The following PPP2R2B variants were observed in gnomAD, a reference collection of about 807,000 sequenced individuals.
The protein encoded by PPP2R2B is serine/threonine-protein phosphatase 2A 55 kDa regulatory subunit B beta isoform.
A neutral mutation model predicts 46.0 loss-of-function variants in PPP2R2B; 5 were observed. The observed-to-expected ratio is 0.11, with a 90% CI of 0.06 to 0.23. The LOEUF is 0.23. Among genes scored for constraint, PPP2R2B ranks in the 10% least tolerant of loss-of-function variants. PPP2R2B has a pLI of 1.00. For synonymous variants in PPP2R2B, 215 were observed against 206.7 expected (o/e 1.04, Z -0.34); for missense variants, 367 against 575.0 (o/e 0.64, Z 3.70).
chr5:146,784,291 C>T (rs946857286), intron 2 of PPP2R2B, among the ~76,000 whole-genome samples: 2 of 152,078 alleles, frequency 1.3e-5, no homozygotes, highest in African/African-American at 4.8e-5. Context: ...AGAGGACAGC[C>T]TCAGTCCTCT....
At chr5:146,811,727 A>ATTT (rs1163716544) in intron 2 of PPP2R2B, among the ~76,000 whole-genome samples, 1 of 121,248 alleles carries the variant, frequency 8.2e-6, no homozygotes, top group Non-Finnish European at 1.8e-5. Context: ...CGCCCGGCTA[A>ATTT]TTTTTTTTTT....
chr5:147,041,191 G>A (rs927055084), intron 1 of PPP2R2B, among the ~76,000 whole-genome samples: 9 of 152,132 alleles, frequency 5.9e-5, no homozygotes, highest in African/African-American at 2.2e-4. Context: ...ATGGTGGGCA[G>A]GATCTAAAAA....
chr5:147,043,592 A>T (rs2151898243), intron 1 of PPP2R2B, among the ~76,000 whole-genome samples: 1 of 152,232 alleles, frequency 6.6e-6, no homozygotes, highest in Non-Finnish European at 1.5e-5. Flanking sequence ...TTAGCAAACT[A>T]ATACAGGAGG....
chr5:146,976,351 G>C (rs1252425745), intron 1 of PPP2R2B, among the ~76,000 whole-genome samples: 1 of 151,908 alleles, frequency 6.6e-6, no homozygotes, highest in East Asian at 1.9e-4. Context: ...TGGCCAGGCT[G>C]GTCTCGAACT....
chr5:146,932,755 TTTC>T (rs1451564599), intron 1 of PPP2R2B, among the ~76,000 whole-genome samples: 2 of 152,192 alleles, frequency 1.3e-5, no homozygotes, highest in Non-Finnish European at 2.9e-5. Flanking sequence ...TTCTCCTAGC[TTTC>T]TTCTTCTTTA....
chr5:146,960,586 T>C (rs537289838), intron 1 of PPP2R2B, among the ~76,000 whole-genome samples: 25 of 152,200 alleles, frequency 1.6e-4, no homozygotes, highest in African/African-American at 5.8e-4. Context: ...GCTCAGAGTT[T>C]GAGCAGGACA....
intron 7 of PPP2R2B, among the ~76,000 whole-genome samples, chr5:146,604,635 CA>C: frequency 6.6e-6 from 1 of 152,282 alleles, no homozygotes; most frequent in East Asian, 1.9e-4. Context: ...ACAATAATGA[CA>C]TTTGCTACCA....
chr5:146,630,887 T>C (rs1452724609), intron 7 of PPP2R2B, among the ~76,000 whole-genome samples: 1 of 152,188 alleles, frequency 6.6e-6, no homozygotes, highest in Non-Finnish European at 1.5e-5. Flanking sequence ...GTAAATACTT[T>C]CATGACCCAT....
At chr5:147,057,987 T>C (rs1757143164), upstream of PPP2R2B, among the ~76,000 whole-genome samples, 13 of 152,216 alleles carry the variant, frequency 8.5e-5, no homozygotes, top group Admixed American at 8.5e-4. Context: ...CTATTGTCTA[T>C]AACAGTAGTA....
intron 5 of PPP2R2B, among the ~76,000 whole-genome samples, chr5:146,665,287 C>T (rs181261366): frequency 6.6e-6 from 1 of 152,330 alleles, no homozygotes; most frequent in Admixed American, 6.5e-5. Context: ...TAGCCACCGC[C>T]ACCCATGATC....
chr5:147,045,303 A>G (rs944972728), intron 1 of PPP2R2B, among the ~76,000 whole-genome samples: 1 of 152,114 alleles, frequency 6.6e-6, no homozygotes, highest in Non-Finnish European at 1.5e-5. Context: ...TTCAAATTGT[A>G]TTTTTACTGA....
intron 1 of PPP2R2B, among the ~76,000 whole-genome samples, chr5:147,033,902 T>A (rs1755910734): frequency 1.3e-5 from 2 of 152,122 alleles, no homozygotes; most frequent in Non-Finnish European, 2.9e-5. Flanking sequence ...TCCCTATCAT[T>A]TATCTCCACA....
chr5:146,597,345 C>T (rs1349831036), intron 8 of PPP2R2B, among the ~76,000 whole-genome samples: 1 of 152,140 alleles, frequency 6.6e-6, no homozygotes, highest in African/African-American at 2.4e-5. Flanking sequence ...TCATTGCTAT[C>T]CCTGTTGCTG....
chr5:146,848,941 T>C (rs1290310488), intron 2 of PPP2R2B, among the ~76,000 whole-genome samples: 1 of 152,226 alleles, frequency 6.6e-6, no homozygotes, highest in Non-Finnish European at 1.5e-5. Flanking sequence ...AATGCTATAT[T>C]TTATTGCTCG....
At chr5:146,970,009 G>A (rs1752595373) in intron 1 of PPP2R2B, among the ~76,000 whole-genome samples, 1 of 152,288 alleles carries the variant, frequency 6.6e-6, no homozygotes, top group Non-Finnish European at 1.5e-5. Flanking sequence ...CACGTGTATG[G>A]ATGTAATCAT....
chr5:146,763,839 C>T (rs1311418169), intron 2 of PPP2R2B, among the ~76,000 whole-genome samples: 1 of 152,150 alleles, frequency 6.6e-6, no homozygotes, highest in Admixed American at 6.5e-5. Context: ...CCTACTGTCT[C>T]AGCCTCCCAA....
At chr5:146,911,850 A>G (rs145856742) in intron 1 of PPP2R2B, among the ~76,000 whole-genome samples, 12 of 152,378 alleles carry the variant, frequency 7.9e-5, no homozygotes, top group African/African-American at 2.6e-4. Context: ...CAATGAATAA[A>G]GGTACACTTC....
chr5:147,028,577 C>A (rs888825494), intron 1 of PPP2R2B, among the ~76,000 whole-genome samples: 2 of 152,060 alleles, frequency 1.3e-5, no homozygotes, highest in African/African-American at 4.8e-5. Flanking sequence ...TTTACTTGGT[C>A]ATTCTATTTT....
intron 2 of PPP2R2B, among the ~76,000 whole-genome samples, chr5:146,843,688 C>T (rs1249524464): frequency 6.6e-6 from 1 of 152,170 alleles, no homozygotes; most frequent in Non-Finnish European, 1.5e-5. Context: ...TTCTATCTTA[C>T]AGAGTTATCA....
Sources: allele counts gnomAD v4.1 joint callset (sites outside exome capture counted in the v4.1 genomes callset), GRCh38; gene constraint gnomAD v4.1.1; transcripts MANE v1.5; gene names NCBI Gene and HGNC (gene_info 2026-07-23, HGNC 2026-07-21).